Variants in ACACA observed in about 807,000 individuals in gnomAD.
The protein encoded by ACACA is acetyl-CoA carboxylase 1.
A neutral mutation model predicts 296.1 loss-of-function variants in ACACA; 103 were observed. The observed-to-expected ratio is 0.35, with a 90% CI of 0.30 to 0.41. The LOEUF (loss-of-function observed/expected upper bound fraction) is 0.41. Ranked by LOEUF, ACACA falls within the 10% of genes least tolerant of loss-of-function variation. The probability of loss-of-function intolerance (pLI) is 1.00; values close to 1 mark genes in which losing one functional copy is unlikely to be tolerated. For missense variants in ACACA, 1,554 were observed against 2,989.7 expected (o/e 0.52, Z 11.20); for synonymous variants, 953 against 1,038.6 (o/e 0.92, Z 1.58).
At chr17:37,274,477 G>A (rs1218826759) in intron 8 of ACACA, 178 bp from the exon 9 acceptor site, 2 of 533,234 alleles carry the variant, frequency 3.8e-6, no homozygotes, top group Non-Finnish European at 4.8e-6. Flanking sequence ...GCCACAGCAT[G>A]ACCCGGCAAC....
chr17:37,269,806 G>T (rs1428578397), intron 10 of ACACA, among the ~76,000 whole-genome samples: 1 of 149,910 alleles, frequency 6.7e-6, no homozygotes, highest in Non-Finnish European at 1.5e-5. Context: ...TGGCACACTA[G>T]TAAAAGAAGT....
At chr17:37,358,109 CA>C (rs1267098345) in intron 1 of ACACA, among the ~76,000 whole-genome samples, 1 of 152,010 alleles carries the variant, frequency 6.6e-6, no homozygotes, top group Non-Finnish European at 1.5e-5. Context: ...AACCTCCAAA[CA>C]AAAATATCTG....
chr17:37,220,782 T>G (rs1005499203), intron 29 of ACACA, among the ~76,000 whole-genome samples: 1 of 152,192 alleles, frequency 6.6e-6, no homozygotes, highest in Non-Finnish European at 1.5e-5. Context: ...CACAGACTTC[T>G]TTGTCTCCAG....
intron 8 of ACACA, among the ~76,000 whole-genome samples, chr17:37,275,149 T>C (rs1192391711): frequency 6.6e-6 from 1 of 152,224 alleles, no homozygotes; most frequent in African/African-American, 2.4e-5. Flanking sequence ...CAACTGAGGT[T>C]GAATGGTTTT....
chr17:37,122,660 G>A (rs1421344775), intron 48 of ACACA, 33 bp from the exon 49 acceptor site: 2 of 1,560,014 alleles, frequency 1.3e-6, no homozygotes, highest in African/African-American at 1.4e-5. Flanking sequence ...AGAACCCAAT[G>A]TATGTCAACA....
chr17:37,360,981 T>G (rs1597707307), intron 1 of ACACA, among the ~76,000 whole-genome samples: 1 of 152,050 alleles, frequency 6.6e-6, no homozygotes, highest in African/African-American at 2.4e-5. Flanking sequence ...GGTTGCCTCT[T>G]ACTTTTCTTT....
chr17:37,129,979 CA>C (rs2075011965), intron 46 of ACACA, 95 bp downstream of exon 46: 1 of 1,503,980 alleles, frequency 6.6e-7, no homozygotes, highest in South Asian at 1.1e-5. Context: ...AAAATTCCTC[CA>C]CCATAAAGAC....
intron 42 of ACACA, among the ~76,000 whole-genome samples, chr17:37,160,076 T>C (rs765821879): frequency 5.3e-5 from 8 of 152,028 alleles, no homozygotes; most frequent in African/African-American, 1.5e-4. Context: ...TCAAGTGAAG[T>C]GGGTTCAAGA....
At chr17:37,146,639 T>G (rs1288220387) in intron 45 of ACACA, among the ~76,000 whole-genome samples, 1 of 113,548 alleles carries the variant, frequency 8.8e-6, no homozygotes, top group Non-Finnish European at 1.7e-5. Context: ...TGCAGCGACA[T>G]GACCTGAGAT....
At chr17:37,162,568 G>T (rs564925762) in intron 41 of ACACA, 2 of 260,182 alleles carry the variant, frequency 7.7e-6, no homozygotes, top group Admixed American at 5.1e-5. Flanking sequence ...CTGGTTGTTT[G>T]AAAGAGTGTG....
chr17:37,319,435 C>T (rs1311603830), intron 3 of ACACA, among the ~76,000 whole-genome samples: 1 of 151,984 alleles, frequency 6.6e-6, no homozygotes, highest in Non-Finnish European at 1.5e-5. Flanking sequence ...TAGGGAGTAA[C>T]CTTTGGGTGG....
intron 52 of ACACA, 26 bp from the exon 53 acceptor site, chr17:37,098,010 A>G: frequency 6.2e-7 from 1 of 1,614,104 alleles, no homozygotes; most frequent in Non-Finnish European, 8.5e-7. Flanking sequence ...CATGCCCGTC[A>G]CACTCTGTAA....
chr17:37,299,874 G>A (rs542594216), intron 3 of ACACA: 9 of 814,548 alleles, frequency 1.1e-5, no homozygotes, highest in Middle Eastern at 6.3e-4. Flanking sequence ...AGCACAGCTC[G>A]GTCTAAAGAG....
intron 1 of ACACA, among the ~76,000 whole-genome samples, chr17:37,356,635 C>T (rs1363145895): frequency 6.6e-6 from 1 of 152,134 alleles, no homozygotes; most frequent in Non-Finnish European, 1.5e-5. Flanking sequence ...GCCTCGACCT[C>T]TCAAAGTGCT....
chr17:37,333,434 A>G (rs957773542), intron 2 of ACACA, among the ~76,000 whole-genome samples: 3 of 152,162 alleles, frequency 2.0e-5, no homozygotes, highest in African/African-American at 7.2e-5. Flanking sequence ...TCCATTAGAA[A>G]TGCTTATAGA....
chr17:37,311,875 A>C lies in ACACA; in HGVS notation c.338+18298T>G, dbSNP rs1251901640. Among the ~76,000 whole-genome samples the C allele has an allele frequency of 2.6e-5, 4 of 151,454 alleles. No individual in the cohort carries two copies. In the East Asian group the frequency reaches 7.7e-4, roughly 29 times the overall value. On this transcript the variant is annotated intron_variant, in intron 3 of 55. Transcript: ENST00000616317. ...TGACAGAGCAAGACCCTGTCTCAAA[A>C]AAAAAAAAAAAGAAGAAGAAGAAGG...
At chr17:37,211,733 G>A (rs1162312580) in intron 29 of ACACA, among the ~76,000 whole-genome samples, 1 of 152,184 alleles carries the variant, frequency 6.6e-6, no homozygotes, top group East Asian at 1.9e-4. Flanking sequence ...ATAAAAAGCT[G>A]TGACATATCA....
At chr17:37,098,006 C>T (rs747386171) in intron 52 of ACACA, 22 bp from the exon 53 acceptor site, 46 of 1,613,996 alleles carry the variant, frequency 2.9e-5, no homozygotes, top group Non-Finnish European at 3.6e-5. Context: ...TAAACATGCC[C>T]GTCACACTCT....
In ACACA at chr17:37,192,437, G is replaced by A. The variant is rs907018022; in HGVS notation, c.4201-132C>T. ...ATGTGCTAATGAGCAACAAAAATGA[G>A]CTACATTCAAGGCTAATGCTACAGC... On this transcript the variant is annotated intron_variant, in intron 36 of 55. Transcript: ENST00000616317. The A allele has an allele frequency of 4.3e-5, 36 of 842,898 alleles. No homozygotes were observed. In the East Asian group the frequency reaches 8.7e-4, roughly 20 times the overall value. The allele number at this position is 842,898 out of a possible 1,614,324, so 52.2% of individuals were successfully genotyped here.
Sources: gnomAD v4.1 joint callset for allele counts (sites outside exome capture counted in the v4.1 genomes callset) on GRCh38, gnomAD v4.1.1 for gene constraint, MANE v1.5 for transcripts, NCBI Gene and HGNC (gene_info 2026-07-23, HGNC 2026-07-21) for gene names.